NT5DC1: variants seen among roughly 807,000 people sequenced by gnomAD.
NT5DC1 encodes 5'-nucleotidase domain containing 1.
NT5DC1 carries 42 observed loss-of-function variants against 59.4 expected under a neutral mutation model. That is an observed-to-expected ratio of 0.71 (90% CI 0.55 to 0.92). NT5DC1 has a LOEUF of 0.92. NT5DC1 is among the 40% of genes least tolerant of loss of function. The pLI is 0.00. For synonymous variants in NT5DC1, 172 were observed against 188.1 expected (o/e 0.91, Z 0.70); for missense variants, 501 against 537.1 (o/e 0.93, Z 0.66).
chr6:116,182,295 A>G (rs1369791125), intron 6 of NT5DC1, among the ~76,000 whole-genome samples: 1 of 150,946 alleles, frequency 6.6e-6, no homozygotes, highest in Middle Eastern at 3.2e-3. Context: ...TGATTGATGA[A>G]CATTTGGGCT....
At chr6:116,178,052 AGTGT>A (rs61085607) in intron 6 of NT5DC1, among the ~76,000 whole-genome samples, 15,475 of 136,276 alleles carry the variant, frequency 0.11, 967 homozygotes, top group Admixed American at 0.17. Flanking sequence ...CAAAGAGGAA[AGTGT>A]GTGTGTGTGT....
At chr6:116,149,785 A>T (rs1392897365) in intron 6 of NT5DC1, among the ~76,000 whole-genome samples, 2 of 152,248 alleles carry the variant, frequency 1.3e-5, no homozygotes, top group Non-Finnish European at 2.9e-5. Flanking sequence ...GAAATCAGAC[A>T]GCTTGAAGAT....
chr6:116,134,217 G>T (rs1021349661), intron 6 of NT5DC1, among the ~76,000 whole-genome samples: 1 of 152,144 alleles, frequency 6.6e-6, no homozygotes, highest in African/African-American at 2.4e-5. Flanking sequence ...TCAAATAATT[G>T]TCAGACTTTT....
chr6:116,214,779 T>TAG (rs1781658107), intron 6 of NT5DC1, among the ~76,000 whole-genome samples: 1 of 152,032 alleles, frequency 6.6e-6, no homozygotes, highest in East Asian at 1.9e-4. Flanking sequence ...GCTAAAGAGT[T>TAG]ATCTGTGTTG....
intron 6 of NT5DC1, among the ~76,000 whole-genome samples, chr6:116,161,724 C>T (rs59949508): frequency 0.034 from 5,242 of 152,078 alleles, 280 homozygotes; most frequent in African/African-American, 0.11. Context: ...CTTATGGGTT[C>T]CATATGAATT....
intron 6 of NT5DC1, among the ~76,000 whole-genome samples, chr6:116,189,785 T>A (rs753693089): frequency 8.6e-5 from 13 of 152,018 alleles, no homozygotes; most frequent in Non-Finnish European, 1.6e-4. Context: ...AATCCATTCA[T>A]ATGCAGGAAC....
rs764544789 is a variant in NT5DC1, at chr6:116,221,140, C to T, written c.616C>T (p.Arg206Ter). 1.5e-5 allele frequency: 23 copies of T among 1,584,612 alleles called. No homozygotes were observed. Among genetic ancestry groups the T allele is most frequent in the South Asian group, 2.2e-5 (2 of 90,440 alleles). Residue 206 changes from arginine (R) to a stop codon, truncating the protein, a stop_gained, in exon 7 of 12, where the codon CGA becomes TGA. Transcript: ENST00000319550. LOFTEE classifies it high-confidence loss of function. ...TCCTGAATCTGTGAAAAAATGGCTT[C>T]GACAGCTAAAGAATGCTGGGAAAAT... ...SCPESVKKWL[R>*]QLKNAGKILL... is the part of the protein sequence containing the mutation.
chr6:116,129,696 C>T (rs1779416248), intron 6 of NT5DC1, among the ~76,000 whole-genome samples: 1 of 152,270 alleles, frequency 6.6e-6, no homozygotes, highest in East Asian at 1.9e-4. Flanking sequence ...TAAATTACCC[C>T]GTCTGTGGCA....
chr6:116,167,762 G>A (rs12209373), intron 6 of NT5DC1, among the ~76,000 whole-genome samples: 27,299 of 152,112 alleles, frequency 0.18, 3,270 homozygotes, highest in Middle Eastern at 0.33. Context: ...GGATAATTAC[G>A]TTGCATAGCC....
rs188765028 is a variant in NT5DC1, at chr6:116,235,113, T to A, written c.803-1853T>A. Among the ~76,000 whole-genome samples, 277 of 151,196 alleles carry A rather than the reference T, an allele frequency of 1.8e-3. 5 individuals carry two copies. Among genetic ancestry groups the A allele is most frequent in the African/African-American group, 6.4e-3 (262 of 41,188 alleles). On this transcript the variant is annotated intron_variant, in intron 8 of 11. Coordinates refer to ENST00000319550, the MANE Select transcript of NT5DC1 (RefSeq NM_152729.3). ...GAAGTTATAATACTATGGATTTTTT[T>A]AAATTTTTCATAAGTAGTAGAAAGA...
At chr6:116,226,717 G>A (rs1245593210) in intron 8 of NT5DC1, among the ~76,000 whole-genome samples, 25 of 151,740 alleles carry the variant, frequency 1.6e-4, no homozygotes, top group Non-Finnish European at 2.9e-5. Flanking sequence ...GGAAATATTA[G>A]GAATCTAAAC....
intron 6 of NT5DC1, among the ~76,000 whole-genome samples, chr6:116,148,217 G>A (rs1397944371): frequency 6.6e-6 from 1 of 152,106 alleles, no homozygotes; most frequent in East Asian, 1.9e-4. Context: ...AGTAAGTTGG[G>A]GACAGGGGTG....
chr6:116,203,519 A>G (rs751925156), intron 6 of NT5DC1, among the ~76,000 whole-genome samples: 2 of 151,870 alleles, frequency 1.3e-5, no homozygotes, highest in Non-Finnish European at 2.9e-5. Context: ...TGCTCCTATA[A>G]TGTCTCCCTG....
chr6:116,142,974 T>C (rs971774073), intron 6 of NT5DC1, among the ~76,000 whole-genome samples: 3 of 152,198 alleles, frequency 2.0e-5, no homozygotes, highest in Non-Finnish European at 4.4e-5. Flanking sequence ...GTGGGAAAAT[T>C]TGATGGATAA....
chr6:116,125,697 GA>G (rs1779281216), intron 6 of NT5DC1: 2 of 475,142 alleles, frequency 4.2e-6, no homozygotes, highest in Non-Finnish European at 7.5e-6. Flanking sequence ...GTTATTTTTG[GA>G]AGCTATACTC....
chr6:116,232,403 G>A (rs976548013), intron 8 of NT5DC1, among the ~76,000 whole-genome samples: 3 of 151,782 alleles, frequency 2.0e-5, no homozygotes, highest in Non-Finnish European at 4.4e-5. Context: ...AAACATGGAG[G>A]AAAAGAATAT....
At chr6:116,139,555 A>T (rs901356082) in intron 6 of NT5DC1, among the ~76,000 whole-genome samples, 1 of 152,184 alleles carries the variant, frequency 6.6e-6, no homozygotes, top group African/African-American at 2.4e-5. Context: ...TGCAGTGTTA[A>T]TAAGTGTATT....
At chr6:116,141,885 AACACACACACACACAC>A (rs3051942) in intron 6 of NT5DC1, among the ~76,000 whole-genome samples, 33 of 140,404 alleles carry the variant, frequency 2.4e-4, no homozygotes, top group Non-Finnish European at 4.2e-4. Context: ...CCAAAAAGAA[AACACACACACACACAC>A]ACACACACAC....
chr6:116,127,912 A>T (rs1779363562), intron 6 of NT5DC1, among the ~76,000 whole-genome samples: 1 of 152,098 alleles, frequency 6.6e-6, no homozygotes, highest in South Asian at 2.1e-4. Context: ...AGAGCCTTTC[A>T]CTTTAACCTC....
Sources: allele counts gnomAD v4.1 joint callset (sites outside exome capture counted in the v4.1 genomes callset), GRCh38; gene constraint gnomAD v4.1.1; transcripts MANE v1.5; gene names NCBI Gene and HGNC (gene_info 2026-07-23, HGNC 2026-07-21).